Variants in ANKS1A observed in about 807,000 individuals in gnomAD.
ANKS1A encodes ankyrin repeat and sterile alpha motif domain containing 1A.
Under a neutral mutation model 120.3 loss-of-function variants are expected in ANKS1A, and 55 were observed. The ratio of observed to expected loss-of-function variants is 0.46; its 90% CI spans 0.37 to 0.57. The LOEUF (loss-of-function observed/expected upper bound fraction) is 0.57. Ranked by LOEUF, ANKS1A falls within the 20% of genes least tolerant of loss-of-function variation. The probability of loss-of-function intolerance (pLI) is 0.00; values close to 1 mark genes in which losing one functional copy is unlikely to be tolerated. For missense variants in ANKS1A, 1,123 were observed against 1,480.3 expected (o/e 0.76, Z 3.96); for synonymous variants, 590 against 604.7 (o/e 0.98, Z 0.36).
chr6:35,059,335 C>T (rs1394460835), intron 12 of ANKS1A, among the ~76,000 whole-genome samples: 1 of 152,272 alleles, frequency 6.6e-6, no homozygotes, highest in Non-Finnish European at 1.5e-5. Context: ...GCTGCCGTCC[C>T]AGCAGAGCCA....
chr6:35,061,439 G>T (rs1334682777), intron 13 of ANKS1A, among the ~76,000 whole-genome samples: 2 of 152,222 alleles, frequency 1.3e-5, no homozygotes, highest in African/African-American at 4.8e-5. Context: ...GCTGGGGTCA[G>T]AGTCAGCATG....
chr6:34,909,879 A>G (rs1581679382), intron 1 of ANKS1A, among the ~76,000 whole-genome samples: 1 of 152,228 alleles, frequency 6.6e-6, no homozygotes, highest in South Asian at 2.1e-4. Context: ...GTGGTGGCTC[A>G]GTGTGTGCGA....
chr6:34,941,241 C>G (rs937035174), intron 1 of ANKS1A, among the ~76,000 whole-genome samples: 1 of 152,184 alleles, frequency 6.6e-6, no homozygotes, highest in Admixed American at 6.5e-5. Flanking sequence ...CTGCCTTGGC[C>G]TCCCAAAGTG....
At chr6:35,031,064 C>T (rs541847417) in intron 11 of ANKS1A, among the ~76,000 whole-genome samples, 2 of 152,258 alleles carry the variant, frequency 1.3e-5, no homozygotes, top group Admixed American at 6.5e-5. Flanking sequence ...TCAATCTGTC[C>T]GTGAGCCCAA....
At position 35,090,955 on chromosome 6, in the gene ANKS1A, G is replaced by A. The variant is rs1381306985; in HGVS notation, c.*2346G>A. 5.6e-5 allele frequency: 55 copies of A among 985,768 alleles called. 1 individual carries two copies. Among genetic ancestry groups the A allele is most frequent in the South Asian group, 9.4e-5 (2 of 21,290 alleles). The allele number at this position is 985,768 out of a possible 1,614,324, so 61.1% of individuals were successfully genotyped here. A position where few individuals can be genotyped will look rare whatever the true frequency, so the allele number is the denominator to read the frequency against. ...CTGCGTCCCTCCTGGGCCCTCCAGC[G>A]TCAGACACTAATGGGAGTTCCCGAG... On this transcript the variant is annotated 3_prime_UTR_variant, in exon 24 of 24. Transcript: ENST00000360359.
At chr6:35,083,110 G>C in intron 18 of ANKS1A, 45 bp from the exon 19 acceptor site, 2 of 1,608,088 alleles carry the variant, frequency 1.2e-6, no homozygotes, top group South Asian at 2.2e-5. Context: ...ACCCCTGCAT[G>C]GAAACGCAGG....
chr6:34,949,728 C>A (rs1769979240), intron 1 of ANKS1A, among the ~76,000 whole-genome samples: 1 of 152,196 alleles, frequency 6.6e-6, no homozygotes, highest in South Asian at 2.1e-4. Flanking sequence ...ACAATGTCTT[C>A]TAAAGTCCAC....
chr6:35,039,229 G>A (rs961277690), intron 11 of ANKS1A, among the ~76,000 whole-genome samples: 23 of 109,918 alleles, frequency 2.1e-4, no homozygotes, highest in East Asian at 7.6e-4. Flanking sequence ...ATGGAGTTTC[G>A]CTCTTGTTGC....
chr6:34,980,539 A>G (rs1771853462), intron 3 of ANKS1A, among the ~76,000 whole-genome samples: 1 of 152,266 alleles, frequency 6.6e-6, no homozygotes, highest in Non-Finnish European at 1.5e-5. Flanking sequence ...ATAGAATTAA[A>G]GCAATTGCAG....
rs1222143525 is a variant in ANKS1A, at chr6:35,086,933, C to G, written c.3304-19C>G. 6.2e-7 allele frequency: 1 copy of G among 1,613,142 alleles called. No individual in the cohort carries two copies. Among genetic ancestry groups the G allele is most frequent in the Admixed American group, 1.7e-5 (1 of 60,034 alleles). On this transcript the variant is annotated intron_variant, in intron 22 of 23. Transcript: ENST00000360359. This position sits in a 1 kb window ranked among gnomAD's most constrained non-coding sequence, Gnocchi z 5.1. ...GCACAGAGCTCCCTCTGACTCTTGA[C>G]TGCTTCCTTGTTTGGCAGCTGGAAC...
intron 1 of ANKS1A, among the ~76,000 whole-genome samples, chr6:34,892,299 G>A (rs1766862740): frequency 1.3e-5 from 2 of 152,192 alleles, no homozygotes; most frequent in South Asian, 4.1e-4. Flanking sequence ...ATGAGACCAT[G>A]CCTAGGTCAG....
intron 1 of ANKS1A, among the ~76,000 whole-genome samples, chr6:34,897,927 C>T (rs1253455585): frequency 6.6e-6 from 1 of 152,190 alleles, no homozygotes; most frequent in East Asian, 1.9e-4. Context: ...GGCTAAGGAT[C>T]AGGTTCTGAC....
chr6:35,025,510 G>A (rs1486050829), intron 11 of ANKS1A, among the ~76,000 whole-genome samples: 1 of 152,020 alleles, frequency 6.6e-6, no homozygotes, highest in African/African-American at 2.4e-5. Context: ...CGGGGTTGGG[G>A]GAGTGGGGGA....
chr6:34,983,441 C>T lies in ANKS1A; in HGVS notation c.1012+16C>T. On this transcript the variant is annotated intron_variant, in intron 7 of 23. Coordinates refer to ENST00000360359, the MANE Select transcript of ANKS1A (RefSeq NM_015245.3). ...AAGTCTCAGGGTAAGGTAACTCTCCCCTATGAGTAAAGGGGTGCTCAGCTT... is the reference window on the plus strand; with the variant it reads ...AAGTCTCAGGGTAAGGTAACTCTCCTCTATGAGTAAAGGGGTGCTCAGCTT... 3 of 1,596,094 alleles carry T rather than the reference C, an allele frequency of 1.9e-6. No homozygotes were observed. The highest frequency in any genetic ancestry group is 2.6e-6 in the Non-Finnish European group (3 of 1,167,936).
chr6:34,947,142 CTTTTTTTT>C lies in ANKS1A; in HGVS notation c.198-20083_198-20076del, dbSNP rs71002514. 3.9e-4 allele frequency among the ~76,000 whole-genome samples: 40 copies of C among 101,988 alleles called. No homozygotes were observed. The East Asian group carries it at 0.012, about 30-fold the overall frequency. The allele number at this position is 101,988 out of a possible 152,430, so 66.9% of individuals were successfully genotyped here. ...TACTTAATACGTAGTATAGTAGACT[CTTTTTTTT>C]TTTTTTTTTTTTTGAGATGGAGTCT... On this transcript the variant is annotated intron_variant, in intron 1 of 23. Transcript: ENST00000360359.
At chr6:35,076,931 C>CCCCT in intron 13 of ANKS1A, among the ~76,000 whole-genome samples, 1 of 152,226 alleles carries the variant, frequency 6.6e-6, no homozygotes, top group South Asian at 2.1e-4. Context: ...CGCCTGGCCA[C>CCCCT]AATAGTCCCT....
At chr6:35,055,333 A>T (rs820093) in intron 12 of ANKS1A, among the ~76,000 whole-genome samples, 60,853 of 149,554 alleles carry the variant, frequency 0.41, 12,534 homozygotes, top group East Asian at 0.62. Flanking sequence ...ATAAAAAAAA[A>T]TTTTTTTTTT....
intron 10 of ANKS1A, among the ~76,000 whole-genome samples, chr6:35,004,691 G>GAGA (rs60284062): frequency 6.6e-6 from 1 of 151,690 alleles, no homozygotes; most frequent in African/African-American, 2.4e-5. Flanking sequence ...GCCAAGGAAG[G>GAGA]CTTACTTGAA....
intron 13 of ANKS1A, chr6:35,070,812 C>A (rs1777046154): frequency 3.0e-5 from 15 of 496,624 alleles, no homozygotes; most frequent in South Asian, 2.3e-4. Context: ...CCCAGACACC[C>A]CTTTCTTTTT....
Sources: allele counts gnomAD v4.1 joint callset (sites outside exome capture counted in the v4.1 genomes callset), GRCh38; gene constraint gnomAD v4.1.1; non-coding constraint Gnocchi (gnomAD v3.1); transcripts MANE v1.5; gene names NCBI Gene and HGNC (gene_info 2026-07-23, HGNC 2026-07-21).